Variants in OR10J1 observed in about 807,000 individuals in gnomAD.
OR10J1 encodes olfactory receptor 10J1.
For synonymous variants in OR10J1, 202 were observed against 143.8 expected (o/e 1.40, Z -2.89); for missense variants, 474 against 376.6 (o/e 1.26, Z -2.14).
the OR10J1 span, among the ~76,000 whole-genome samples, chr1:159,415,173 C>T: frequency 1.3e-4 from 19 of 151,902 alleles, no homozygotes; most frequent in African/African-American, 4.3e-4. Flanking sequence ...GTTTTCCCTA[C>T]GTTTTCTTCT....
chr1:159,408,552 A>G, the OR10J1 span, among the ~76,000 whole-genome samples: 1 of 151,746 alleles, frequency 6.6e-6, no homozygotes, highest in East Asian at 1.9e-4. Flanking sequence ...CCAGCATGGC[A>G]CATGTATACA....
the OR10J1 span, among the ~76,000 whole-genome samples, chr1:159,430,019 G>A: frequency 6.6e-6 from 1 of 152,070 alleles, no homozygotes; most frequent in Non-Finnish European, 1.5e-5. Flanking sequence ...AGGACTTGAT[G>A]CAGGGATTCT....
the OR10J1 span, among the ~76,000 whole-genome samples, chr1:159,403,420 A>G: frequency 2.0e-5 from 3 of 152,242 alleles, no homozygotes; most frequent in East Asian, 5.8e-4. Flanking sequence ...TCTATATGAA[A>G]ACAATCTAAT....
chr1:159,429,556 G>C, the OR10J1 span, among the ~76,000 whole-genome samples: 1 of 152,166 alleles, frequency 6.6e-6, no homozygotes, highest in Non-Finnish European at 1.5e-5. Flanking sequence ...GAAAAACCAA[G>C]ATTGTCGAAG....
chr1:159,418,484 C>T, the OR10J1 span, among the ~76,000 whole-genome samples: 7 of 152,136 alleles, frequency 4.6e-5, no homozygotes, highest in African/African-American at 1.4e-4. Flanking sequence ...CATGTGGTGT[C>T]GAGCCTGCAG....
Position 159,440,410 on chromosome 1 carries a change from GTTGTACCTA to G in OR10J1, c.621_629del (p.Val208_Met210del). The G allele has an allele frequency of 6.2e-7, 1 of 1,614,144 alleles. No individual in the cohort carries two copies. Among genetic ancestry groups the G allele is most frequent in the South Asian group, 1.1e-5 (1 of 91,080 alleles). The stretch of plus-strand genomic sequence containing the variant: ...TTTGATTATCAGTGTGCTGGTGCTT[GTTGTACCTA>G]TGGGTCTGGTTTTCATTTCTTATGT... On this transcript the variant is annotated inframe_deletion, in exon 1 of 1. Transcript: ENST00000423932.
the OR10J1 span, among the ~76,000 whole-genome samples, chr1:159,419,215 T>C: frequency 3.3e-5 from 5 of 152,270 alleles, no homozygotes; most frequent in African/African-American, 1.2e-4. Flanking sequence ...TGTGAGAACA[T>C]GAGATTTGGG....
At chr1:159,404,370 G>A in the OR10J1 span, among the ~76,000 whole-genome samples, 1 of 151,966 alleles carries the variant, frequency 6.6e-6, no homozygotes, top group Non-Finnish European at 1.5e-5. Flanking sequence ...AAGGAACTAG[G>A]CACCTATTGT....
chr1:159,422,437 C>T, the OR10J1 span, among the ~76,000 whole-genome samples: 1 of 152,146 alleles, frequency 6.6e-6, no homozygotes, highest in East Asian at 1.9e-4. Context: ...GAGGCAGCTG[C>T]GAGCTGTGGA....
At chr1:159,412,304 C>G in the OR10J1 span, among the ~76,000 whole-genome samples, 1 of 149,612 alleles carries the variant, frequency 6.7e-6, no homozygotes, top group East Asian at 1.9e-4. Context: ...ATCAAGCTAC[C>G]AATGACTTTC....
upstream of OR10J1, among the ~76,000 whole-genome samples, chr1:159,436,496 A>G (rs1232446915): frequency 6.6e-6 from 1 of 152,042 alleles, no homozygotes; most frequent in African/African-American, 2.4e-5. Context: ...TCTCTGTTAC[A>G]TCAGCAGCCT....
At chr1:159,420,359 T>C in the OR10J1 span, among the ~76,000 whole-genome samples, 1 of 152,252 alleles carries the variant, frequency 6.6e-6, no homozygotes, top group African/African-American at 2.4e-5. Flanking sequence ...TCCTGTAATT[T>C]TATTAATTGA....
upstream of OR10J1, chr1:159,432,996 C>T (rs780561967): frequency 2.1e-5 from 9 of 435,004 alleles, no homozygotes; most frequent in Admixed American, 3.3e-4. Flanking sequence ...AAACCCAAAT[C>T]CCAAAATTCC....
chr1:159,410,376 G>A, the OR10J1 span, among the ~76,000 whole-genome samples: 1 of 152,186 alleles, frequency 6.6e-6, no homozygotes, highest in South Asian at 2.1e-4. Context: ...CAATTTCAGA[G>A]CCTGTAATTG....
chr1:159,431,512 T>C, the OR10J1 span, among the ~76,000 whole-genome samples: 2 of 152,196 alleles, frequency 1.3e-5, no homozygotes, highest in Middle Eastern at 3.2e-3. Context: ...CAATGTGCCA[T>C]TGGTGATTTA....
chr1:159,402,623 A>G, the OR10J1 span, among the ~76,000 whole-genome samples: 1 of 152,256 alleles, frequency 6.6e-6, no homozygotes, highest in South Asian at 2.1e-4. Context: ...GACACCAAAA[A>G]AAGGAAAAAG....
the OR10J1 span, among the ~76,000 whole-genome samples, chr1:159,410,022 C>T: frequency 6.6e-6 from 1 of 152,132 alleles, no homozygotes; most frequent in African/African-American, 2.4e-5. Flanking sequence ...GTATATTGAA[C>T]CAGCCTTGCA....
the OR10J1 span, among the ~76,000 whole-genome samples, chr1:159,424,996 T>A: frequency 6.6e-6 from 1 of 152,102 alleles, no homozygotes; most frequent in Non-Finnish European, 1.5e-5. Flanking sequence ...ACACATCGTG[T>A]TAAAAGACTG....
chr1:159,408,538 C>T, the OR10J1 span, among the ~76,000 whole-genome samples: 28 of 151,320 alleles, frequency 1.9e-4, no homozygotes, highest in South Asian at 6.3e-4. Context: ...GTGGGTGCAG[C>T]GCACCAGCAT....
Sources: gnomAD v4.1 joint callset for allele counts (sites outside exome capture counted in the v4.1 genomes callset) on GRCh38, gnomAD v4.1.1 for gene constraint, MANE v1.5 for transcripts, NCBI Gene and HGNC (gene_info 2026-07-23, HGNC 2026-07-21) for gene names.